C2orf42: variants seen among roughly 807,000 people sequenced by gnomAD.
C2orf42 encodes the protein chromosome 2 open reading frame 42, also known as uncharacterized protein C2orf42.
A neutral mutation model predicts 58.9 loss-of-function variants in C2orf42; 44 were observed. The ratio of observed to expected loss-of-function variants is 0.75; its 90% CI spans 0.59 to 0.96. The LOEUF is 0.96. Ranked by LOEUF, C2orf42 falls within the 40% of genes least tolerant of loss-of-function variation. The probability of loss-of-function intolerance (pLI) is 0.00; values close to 1 mark genes in which losing one functional copy is unlikely to be tolerated. For synonymous variants in C2orf42, 239 were observed against 265.4 expected (o/e 0.90, Z 0.97); for missense variants, 630 against 699.2 (o/e 0.90, Z 1.12).
intron 1 of C2orf42, among the ~76,000 whole-genome samples, chr2:70,186,016 T>G (rs1461247713): frequency 2.8e-5 from 4 of 141,522 alleles, no homozygotes; most frequent in Non-Finnish European, 4.6e-5. Flanking sequence ...AAAAAAAAAG[T>G]CTCCAGATAA....
chr2:70,166,174 C>A (rs1673389829), intron 6 of C2orf42, among the ~76,000 whole-genome samples: 1 of 150,684 alleles, frequency 6.6e-6, no homozygotes, highest in Non-Finnish European at 1.5e-5. Context: ...CAGGCGTGAG[C>A]CACCGTGCCT....
Position 70,181,276 on chromosome 2 carries a change from G to A in C2orf42, c.710C>T (p.Ser237Phe), listed in dbSNP as rs1428733188. The A allele has an allele frequency of 6.8e-6, 11 of 1,613,574 alleles. No individual in the cohort carries two copies. Among genetic ancestry groups the A allele is most frequent in the Non-Finnish European group, 9.3e-6 (11 of 1,179,690 alleles). The change falls in exon 3 of 10, where the codon TCC (serine) becomes TTC (phenylalanine). Residue 237 changes from serine to phenylalanine, a missense_variant. Physicochemically the swap from Ser to Phe is radical, Grantham distance 155. Transcript: ENST00000264434. The part of the protein sequence containing the change: ...QTLKSHKSNA[S>F]KDETAQRCIH... ...GCATCTCTGGGCTGTCTCATCCTTGGAGGCATTTGACTTGTGCGATTTCAG... is the reference window on the plus strand; with the variant it reads ...GCATCTCTGGGCTGTCTCATCCTTGAAGGCATTTGACTTGTGCGATTTCAG...
In C2orf42 at chr2:70,168,578, G is replaced by A. The variant is rs1055849915; in HGVS notation, c.1144+979C>T. On this transcript the variant is annotated intron_variant, in intron 6 of 9. Coordinates refer to ENST00000264434, the MANE Select transcript of C2orf42 (RefSeq NM_017880.3). ...GCTGGGATTACAGGCATGAGCCACC[G>A]CACCCGGCTGCTAATAGGATACTTT... Among the ~76,000 whole-genome samples the A allele has an allele frequency of 3.3e-5, 5 of 150,042 alleles. No individual in the cohort carries two copies. The South Asian group carries it at 6.4e-4, about 19-fold the overall frequency.
intron 5 of C2orf42, among the ~76,000 whole-genome samples, chr2:70,172,474 T>C (rs1370483270): frequency 1.3e-5 from 2 of 151,972 alleles, no homozygotes; most frequent in Admixed American, 6.6e-5. Context: ...GCCCAGGAGT[T>C]TGAGACCAGA....
Position 70,165,551 on chromosome 2 carries a change from T to C in C2orf42, c.1229A>G (p.Lys410Arg). 6.2e-7 allele frequency: 1 copy of C among 1,600,844 alleles called. No homozygotes were observed. Residue 410 changes from lysine (K) to arginine (R), a missense_variant, in exon 7 of 10, where the codon AAA becomes AGA. Lys to Arg is a conservative substitution (Grantham distance 26). Coordinates refer to ENST00000264434, the MANE Select transcript of C2orf42 (RefSeq NM_017880.3). ...ACCTGTGGTGGAGTTGGGGAGCCGT[T>C]TTTTTGCACTTCCTATAGATATTCT... is the stretch of plus-strand genomic sequence containing the variant. ...QQRISIGSAKKRLPNSTTAFV... is the reference protein window; with the variant it reads ...QQRISIGSAKRRLPNSTTAFV...
chr2:70,154,841 G>A (rs1009338044), intron 9 of C2orf42, among the ~76,000 whole-genome samples: 1 of 151,884 alleles, frequency 6.6e-6, no homozygotes, highest in African/African-American at 2.4e-5. Flanking sequence ...CTGCAGCCTC[G>A]ACCTCCAGGG....
At chr2:70,155,000 C>T (rs1306898454) in intron 9 of C2orf42, among the ~76,000 whole-genome samples, 2 of 151,932 alleles carry the variant, frequency 1.3e-5, no homozygotes, top group East Asian at 3.9e-4. Flanking sequence ...TAATCCAGCA[C>T]TTTGGGAGGC....
At chr2:70,185,997 A>T (rs1674909588) in intron 1 of C2orf42, among the ~76,000 whole-genome samples, 1 of 143,866 alleles carries the variant, frequency 7.0e-6, no homozygotes, top group Non-Finnish European at 1.5e-5. Flanking sequence ...TAATTGTAAA[A>T]AAAAAAAAAA....
chr2:70,150,672 CA>C (rs1311228216), intron 9 of C2orf42, 108 bp from the exon 10 acceptor site: 11 of 718,082 alleles, frequency 1.5e-5, no homozygotes, highest in Non-Finnish European at 4.9e-6. Flanking sequence ...CTTTGATAAT[CA>C]GAAGGCCGAA....
intron 9 of C2orf42, among the ~76,000 whole-genome samples, chr2:70,154,082 A>AAAT (rs1672491358): frequency 6.6e-6 from 1 of 151,468 alleles, no homozygotes; most frequent in Non-Finnish European, 1.5e-5. Flanking sequence ...CAAAAAAAAA[A>AAAT]ACACAGAAAT....
chr2:70,165,430 C>T (rs1017222442), intron 7 of C2orf42, 98 bp downstream of exon 7: 1 of 743,848 alleles, frequency 1.3e-6, no homozygotes, highest in Admixed American at 2.2e-5. Flanking sequence ...GAAGTCCTAA[C>T]TCTGAATACT....
intron 9 of C2orf42, among the ~76,000 whole-genome samples, chr2:70,152,306 G>A (rs1342398610): frequency 6.6e-6 from 1 of 152,110 alleles, no homozygotes; most frequent in Non-Finnish European, 1.5e-5. Context: ...TAAATGTTAG[G>A]TATTATCTAG....
At position 70,175,758 on chromosome 2, in the gene C2orf42, T is replaced by C; in HGVS notation, c.954A>G (p.Ser318=). 1 of 1,608,796 alleles carries C rather than the reference T, an allele frequency of 6.2e-7. No homozygotes were observed. The highest frequency in any genetic ancestry group is 8.5e-7 in the Non-Finnish European group (1 of 1,175,170). Residue 318 remains serine, a synonymous_variant, in exon 5 of 10, where the codon TCA becomes TCG. Coordinates refer to ENST00000264434, the MANE Select transcript of C2orf42 (RefSeq NM_017880.3). ...TGCTCACTGCATCTTGAGGCAGTAGTGAACTGTTCATCTGTGCACCTAAAC... is the reference window on the plus strand; with the variant it reads ...TGCTCACTGCATCTTGAGGCAGTAGCGAACTGTTCATCTGTGCACCTAAAC... ...DEVSGAQMNS[S]LLPQDAVSSN... is the part of the protein sequence containing the mutation.
rs1348213240 is a variant in C2orf42 at position 70,181,564 on chromosome 2, T to C, written c.422A>G (p.Asn141Ser). 9 of 1,614,000 alleles carry C rather than the reference T, an allele frequency of 5.6e-6. No homozygotes were observed. Among genetic ancestry groups the C allele is most frequent in the Non-Finnish European group, 7.6e-6 (9 of 1,180,014 alleles). The part of the protein sequence containing the change: ...NQCQHIKLAV[N>S]CQAEATPLTL... ...CAGAGGGGTGGCCTCTGCCTGGCAG[T>C]TCACCGCCAGCTTGATGTGCTGGCA... The change falls in exon 3 of 10, where the codon AAC (asparagine) becomes AGC (serine). Residue 141 changes from asparagine to serine, a missense_variant. By Grantham distance (46) the Asn-to-Ser change is conservative. Coordinates refer to ENST00000264434, the MANE Select transcript of C2orf42 (RefSeq NM_017880.3).
rs1409558128 is a variant in C2orf42 at position 70,170,709 on chromosome 2, G to C, written c.1040-1048C>G. Among the ~76,000 whole-genome samples, 3 of 150,664 alleles carry C rather than the reference G, an allele frequency of 2.0e-5. No homozygotes were observed. In the South Asian group the frequency reaches 6.3e-4, roughly 32 times the overall value. On this transcript the variant is annotated intron_variant, in intron 5 of 9. Transcript: ENST00000264434. ...GCGGAGGTTGCAGTGAACTGAGATC[G>C]TGCCACAGCACTCCAGCCTGGGCAA...
At chr2:70,164,591 C>G (rs1673279541) in intron 8 of C2orf42, among the ~76,000 whole-genome samples, 1 of 151,942 alleles carries the variant, frequency 6.6e-6, no homozygotes, top group African/African-American at 2.4e-5. Flanking sequence ...AAGATTGCGC[C>G]ACTGCACTCC....
chr2:70,188,791 T>G (rs1006326572), intron 1 of C2orf42, among the ~76,000 whole-genome samples: 1 of 152,208 alleles, frequency 6.6e-6, no homozygotes, highest in African/African-American at 2.4e-5. Flanking sequence ...TTCCTAATCT[T>G]GACAGTTTTG....
At chr2:70,167,835 G>C (rs980039864) in intron 6 of C2orf42, among the ~76,000 whole-genome samples, 6 of 152,150 alleles carry the variant, frequency 3.9e-5, no homozygotes, top group African/African-American at 1.4e-4. Flanking sequence ...GGTAGTAATG[G>C]AGATGGTAAG....
intron 5 of C2orf42, among the ~76,000 whole-genome samples, chr2:70,171,064 G>A (rs982471274): frequency 1.3e-5 from 2 of 151,912 alleles, no homozygotes; most frequent in Non-Finnish European, 2.9e-5. Flanking sequence ...GCAGTGAGCC[G>A]AGATTGTGCC....
Sources: gnomAD v4.1 joint callset for allele counts (sites outside exome capture counted in the v4.1 genomes callset) on GRCh38, gnomAD v4.1.1 for gene constraint, MANE v1.5 for transcripts, NCBI Gene and HGNC (gene_info 2026-07-23, HGNC 2026-07-21) for gene names.